The following IFT80 variants were observed in gnomAD, a reference collection of about 807,000 sequenced individuals.
IFT80 encodes the protein intraflagellar transport 80.
IFT80 carries 79 observed loss-of-function variants against 107.9 expected under a neutral mutation model. That is an observed-to-expected ratio of 0.73 (90% CI 0.61 to 0.88). IFT80 has a LOEUF of 0.88. Among genes scored for constraint, IFT80 ranks in the 40% least tolerant of loss-of-function variants. IFT80 has a pLI of 0.00. For synonymous variants in IFT80, 299 were observed against 300.9 expected, an observed-to-expected ratio of 0.99 and a Z score of 0.07; for missense variants, 797 against 914.2, an observed-to-expected ratio of 0.87 and a Z score of 1.65.
chr3:160,362,512 C>T (rs1721566941), intron 6 of IFT80, among the ~76,000 whole-genome samples: 1 of 152,196 alleles, frequency 6.6e-6, no homozygotes, highest in African/African-American at 2.4e-5. Context: ...CTTCCTAACT[C>T]ATTTTATGAG....
intron 1 of IFT80, among the ~76,000 whole-genome samples, chr3:160,387,734 G>C (rs1713051321): frequency 6.6e-6 from 1 of 152,126 alleles, no homozygotes. Context: ...TGGGAAGTTG[G>C]AGTTGCAGAT....
rs143196061 is a variant in IFT80, at chr3:160,350,371, T to C, written c.777+5642A>G. 6.9e-3 allele frequency among the ~76,000 whole-genome samples: 1,038 copies of C among 149,676 alleles called. 11 individuals are homozygous for C. Among genetic ancestry groups the C allele is most frequent in the African/African-American group, 0.024 (968 of 40,576 alleles). On this transcript the variant is annotated intron_variant, in intron 8 of 19. Transcript: ENST00000326448. ...GCAGAGATTGCAGTGAGCTGAGATA[T>C]TGCCACTGCACTCCAGCCTGGGTGA...
intron 8 of IFT80, among the ~76,000 whole-genome samples, chr3:160,324,363 T>C (rs1407768520): frequency 6.6e-6 from 1 of 152,044 alleles, no homozygotes; most frequent in East Asian, 1.9e-4. Flanking sequence ...TGATGAACAT[T>C]GATGCAAAAA....
rs530621208 is a variant in IFT80 at position 160,298,584 on chromosome 3, C to A, written c.1315+2299G>T. On this transcript the variant is annotated intron_variant, in intron 12 of 19. Coordinates refer to ENST00000326448, the MANE Select transcript of IFT80 (RefSeq NM_020800.3). ...AATATGTTCCAGATGTGAATTAACT[C>A]CAGAAAATTTCAGAAAATTTCAGAA... 4.6e-5 allele frequency among the ~76,000 whole-genome samples: 7 copies of A among 152,152 alleles called. No individual in the cohort carries two copies. The South Asian group carries it at 1.2e-3, about 27-fold the overall frequency.
chr3:160,362,050 G>A (rs1721528408), intron 6 of IFT80, among the ~76,000 whole-genome samples: 1 of 152,092 alleles, frequency 6.6e-6, no homozygotes, highest in Admixed American at 6.6e-5. Context: ...AGGAGATAGA[G>A]ACACAAAAAA....
chr3:160,395,577 A>G (rs1713711353), intron 1 of IFT80, among the ~76,000 whole-genome samples: 1 of 152,188 alleles, frequency 6.6e-6, no homozygotes, highest in African/African-American at 2.4e-5. Context: ...TTTTATTCAA[A>G]TCAATGCTGG....
intron 18 of IFT80, 51 bp from the exon 19 acceptor site, chr3:160,268,587 T>G (rs776319625): frequency 2.5e-6 from 4 of 1,570,638 alleles, no homozygotes; most frequent in Non-Finnish European, 3.5e-6. Flanking sequence ...TCAGACTCCA[T>G]GAGTAGTAGA....
chr3:160,304,808 A>G (rs1034238137), intron 10 of IFT80, among the ~76,000 whole-genome samples: 1 of 152,160 alleles, frequency 6.6e-6, no homozygotes, highest in African/African-American at 2.4e-5. Context: ...GATGACTTAC[A>G]TTTTGTCTGG....
chr3:160,371,776 T>C (rs1041432506), intron 5 of IFT80, among the ~76,000 whole-genome samples: 1 of 152,202 alleles, frequency 6.6e-6, no homozygotes, highest in Non-Finnish European at 1.5e-5. Flanking sequence ...CCTCCTTAAC[T>C]GAATTCATTA....
chr3:160,300,180 A>C (rs1348401113), intron 12 of IFT80, among the ~76,000 whole-genome samples: 1 of 152,070 alleles, frequency 6.6e-6, no homozygotes, highest in East Asian at 1.9e-4. Flanking sequence ...TCATTACCTG[A>C]CAATTTATTA....
rs569496378 is a variant in IFT80 at position 160,362,718 on chromosome 3, G to A, written c.549+3325C>T. On this transcript the variant is annotated intron_variant, in intron 6 of 19. Transcript: ENST00000326448. The stretch of plus-strand genomic sequence containing the variant: ...CTGGGATGCAAGGGATTCAACATAC[G>A]CAAATAAAGAAACGTAATCCATCAC... 1.2e-4 allele frequency among the ~76,000 whole-genome samples: 18 copies of A among 152,166 alleles called. No individual in the cohort carries two copies. In the South Asian group the frequency reaches 3.5e-3, roughly 30 times the overall value.
In IFT80 at chr3:160,326,094, T is replaced by A. The variant is rs114358894; in HGVS notation, c.778-6155A>T. Among the ~76,000 whole-genome samples the A allele has an allele frequency of 4.6e-3, 700 of 152,010 alleles. 5 individuals are homozygous for A. The highest frequency in any genetic ancestry group is 0.016 in the African/African-American group (652 of 41,510). ...CATTAATGATAACAAACCCCCATAATACAAGGTTACCTACATAACAAACCT... is the reference window on the plus strand; with the variant it reads ...CATTAATGATAACAAACCCCCATAAAACAAGGTTACCTACATAACAAACCT... On this transcript the variant is annotated intron_variant, in intron 8 of 19. Coordinates refer to ENST00000326448, the MANE Select transcript of IFT80 (RefSeq NM_020800.3).
Position 160,258,544 on chromosome 3 carries a change from C to A in IFT80, c.2315G>T (p.Ser772Ile). 6.2e-7 allele frequency: 1 copy of A among 1,613,674 alleles called. No homozygotes were observed. The highest frequency in any genetic ancestry group is 8.5e-7 in the Non-Finnish European group (1 of 1,179,950). The change falls in exon 20 of 20, where the codon AGT becomes ATT. Residue 772 changes from serine to isoleucine, a missense_variant. Physicochemically the swap from Ser to Ile is moderately radical, Grantham distance 142. Transcript: ENST00000326448. Reference protein sequence around the residue: ...EQSSSSQSSKSIGLKP With the variant: ...EQSSSSQSSKIIGLKP ...TGGCATTTAGGGCTTTAAACCTATA[C>A]TCTTGCTGGATTGGCTGCTTGATGA...
chr3:160,266,340 C>T (rs542811358), intron 19 of IFT80, among the ~76,000 whole-genome samples: 16 of 61,364 alleles, frequency 2.6e-4, no homozygotes, highest in African/African-American at 8.3e-4. Flanking sequence ...TCTTTCTCCT[C>T]CCCCCCCCTT....
intron 18 of IFT80, among the ~76,000 whole-genome samples, chr3:160,276,749 C>T (rs965299593): frequency 6.6e-6 from 1 of 152,190 alleles, no homozygotes; most frequent in Non-Finnish European, 1.5e-5. Flanking sequence ...TGGTTCTTTT[C>T]TCTGCCTGTC....
At chr3:160,279,142 G>T in intron 16 of IFT80, 51 bp downstream of exon 16, 2 of 1,457,880 alleles carry the variant, frequency 1.4e-6, no homozygotes, top group Non-Finnish European at 1.9e-6. Context: ...TTGCACAAAG[G>T]TAAACTACTA....
chr3:160,319,964 G>A lies in IFT80; in HGVS notation c.778-25C>T, dbSNP rs772914256. On this transcript the variant is annotated intron_variant, in intron 8 of 19. Coordinates refer to ENST00000326448, the MANE Select transcript of IFT80 (RefSeq NM_020800.3). ...ACTGGGGGAGAAAAAACAAGAAAAA[G>A]ATGGACTTACTGAAAAAAAATTTTT... 5.0e-6 allele frequency: 8 copies of A among 1,599,996 alleles called. No homozygotes were observed. In the Admixed American group the frequency reaches 6.8e-5, roughly 14 times the overall value.
intron 8 of IFT80, among the ~76,000 whole-genome samples, chr3:160,342,026 C>G (rs1000590411): frequency 6.6e-6 from 1 of 152,198 alleles, no homozygotes; most frequent in East Asian, 1.9e-4. Context: ...TTCTGGCATA[C>G]CACTGCAGTG....
At chr3:160,395,273 G>C (rs923201730) in intron 1 of IFT80, among the ~76,000 whole-genome samples, 2 of 152,172 alleles carry the variant, frequency 1.3e-5, no homozygotes, top group Non-Finnish European at 2.9e-5. Context: ...TATGTAAAAT[G>C]AGGCTAATAA....
Sources: allele counts gnomAD v4.1 joint callset (sites outside exome capture counted in the v4.1 genomes callset), GRCh38; gene constraint gnomAD v4.1.1; transcripts MANE v1.5; gene names NCBI Gene and HGNC (gene_info 2026-07-23, HGNC 2026-07-21).